The following ALK variants were observed in gnomAD, a reference collection of about 807,000 sequenced individuals.
ALK encodes ALK tyrosine kinase receptor.
In ALK, 74 loss-of-function variants were observed where a neutral mutation model predicts 163.1. The ratio of observed to expected loss-of-function variants is 0.45; its 90% CI spans 0.38 to 0.55. The LOEUF (loss-of-function observed/expected upper bound fraction) is 0.55. ALK is among the 20% of genes least tolerant of loss of function. The pLI is 0.00. For missense variants in ALK, 2,063 were observed against 2,105.3 expected (o/e 0.98, Z 0.39); for synonymous variants, 960 against 843.2 (o/e 1.14, Z -2.40).
intron 4 of ALK, among the ~76,000 whole-genome samples, chr2:29,387,736 A>G (rs769748346): frequency 1.3e-5 from 2 of 152,202 alleles, no homozygotes; most frequent in Non-Finnish European, 2.9e-5. Flanking sequence ...CAGAGGTGGG[A>G]GGAGAATGAT....
chr2:29,755,927 A>T (rs186938741), intron 1 of ALK, among the ~76,000 whole-genome samples: 1 of 152,352 alleles, frequency 6.6e-6, no homozygotes, highest in East Asian at 1.9e-4. Flanking sequence ...AACTGAAAAG[A>T]ATAACAAACC....
At chr2:29,383,995 G>C in intron 4 of ALK, 136 bp from the exon 5 acceptor site, 1 of 1,057,954 alleles carries the variant, frequency 9.5e-7, no homozygotes. Context: ...GATGGGACTC[G>C]AAGTGGCACT....
chr2:29,699,479 C>G (rs2148293653), intron 2 of ALK, among the ~76,000 whole-genome samples: 1 of 152,210 alleles, frequency 6.6e-6, no homozygotes, highest in East Asian at 1.9e-4. Context: ...CATCTCTCTC[C>G]TGCAGCTTCA....
intron 26 of ALK, among the ~76,000 whole-genome samples, chr2:29,200,751 ACG>A (rs374449527): frequency 2.5e-5 from 2 of 79,504 alleles, no homozygotes; most frequent in Admixed American, 1.1e-4. Flanking sequence ...GTATATATAT[ACG>A]TATATATGTA....
chr2:29,193,890 T>C lies in ALK; in HGVS notation c.4197A>G (p.Ile1399Met). ...CCTCTTCCACAAGTGGACCATATTC[T>C]ATCGGCAAAGCGGTGTTGATTACAT... ...DPDVINTALP[I>M]EYGPLVEEEE... Residue 1399 changes from isoleucine to methionine, a missense_variant, in exon 29 of 29, where the codon ATA (isoleucine) becomes ATG (methionine). Coordinates refer to ENST00000389048, the MANE Select transcript of ALK (RefSeq NM_004304.5). 1 of 1,614,160 alleles carries C rather than the reference T, an allele frequency of 6.2e-7. No individual in the cohort carries two copies. The highest frequency in any genetic ancestry group is 8.5e-7 in the Non-Finnish European group (1 of 1,180,018).
intron 1 of ALK, among the ~76,000 whole-genome samples, chr2:29,732,570 G>A (rs980104589): frequency 4.6e-5 from 7 of 152,176 alleles, no homozygotes; most frequent in Admixed American, 2.0e-4. Flanking sequence ...GACTGTTAGG[G>A]AGAACTGTGG....
intron 1 of ALK, among the ~76,000 whole-genome samples, chr2:29,826,959 C>CAG (rs1665219195): frequency 6.6e-6 from 1 of 152,202 alleles, no homozygotes; most frequent in Non-Finnish European, 1.5e-5. Context: ...TGCAGCATTT[C>CAG]AAAAAGGTTT....
At chr2:29,712,673 A>AT (rs1679136303) in intron 2 of ALK, among the ~76,000 whole-genome samples, 2 of 152,264 alleles carry the variant, frequency 1.3e-5, no homozygotes, top group South Asian at 2.1e-4. Context: ...AATCAAAGAA[A>AT]TTGATACATT....
At chr2:29,310,419 C>A (rs1666665824) in intron 8 of ALK, among the ~76,000 whole-genome samples, 1 of 152,188 alleles carries the variant, frequency 6.6e-6, no homozygotes, top group African/African-American at 2.4e-5. Context: ...AGGGTCCCTT[C>A]CTCCAGCACT....
intron 4 of ALK, among the ~76,000 whole-genome samples, chr2:29,467,575 AGAGCT>A (rs1671242968): frequency 6.6e-6 from 1 of 152,256 alleles, no homozygotes; most frequent in African/African-American, 2.4e-5. Flanking sequence ...CTCTAAGACC[AGAGCT>A]TGGAATCTGC....
At position 29,761,962 on chromosome 2, in the gene ALK, T is replaced by A. The variant is rs576804875; in HGVS notation, c.668-44265A>T. On this transcript the variant is annotated intron_variant, in intron 1 of 28. Transcript: ENST00000389048. The stretch of plus-strand genomic sequence containing the variant: ...TATTCAAAAATGGCCCATTCTAGGT[T>A]AAATTCTTAATTATTCTGGAAAATG... 3.9e-5 allele frequency among the ~76,000 whole-genome samples: 6 copies of A among 152,352 alleles called. No individual in the cohort carries two copies. In the South Asian group the frequency reaches 1.2e-3, roughly 32 times the overall value.
chr2:29,698,661 G>A (rs975205226), intron 2 of ALK, among the ~76,000 whole-genome samples: 17 of 152,142 alleles, frequency 1.1e-4, no homozygotes, highest in Admixed American at 7.9e-4. Flanking sequence ...TCCCAGCACC[G>A]AGCATATTAA....
intron 3 of ALK, among the ~76,000 whole-genome samples, chr2:29,584,343 A>G (rs1199406482): frequency 6.6e-6 from 1 of 152,226 alleles, no homozygotes; most frequent in East Asian, 1.9e-4. Context: ...AAATCTGAGA[A>G]AAGTTAATGG....
chr2:29,398,015 T>TG (rs1669352259), intron 4 of ALK, among the ~76,000 whole-genome samples: 2 of 152,244 alleles, frequency 1.3e-5, no homozygotes, highest in Admixed American at 1.3e-4. Flanking sequence ...AGTCAATTTC[T>TG]GGGCTGGGAC....
At chr2:29,433,253 A>C in intron 4 of ALK, among the ~76,000 whole-genome samples, 1 of 152,170 alleles carries the variant, frequency 6.6e-6, no homozygotes, top group East Asian at 1.9e-4. Flanking sequence ...GCATGCATAG[A>C]AGTGGACAGG....
chr2:29,873,576 T>C lies in ALK; in HGVS notation c.667+46417A>G, dbSNP rs1666630756. Among the ~76,000 whole-genome samples, 3 of 152,112 alleles carry C rather than the reference T, an allele frequency of 2.0e-5. No homozygotes were observed. The South Asian group carries it at 6.2e-4, about 32-fold the overall frequency. ...CTAAAATCAGTGGAGCAAACCAAGATGCTAGAAATATGCCCAGAGACAGAA... is the reference window on the plus strand; with the variant it reads ...CTAAAATCAGTGGAGCAAACCAAGACGCTAGAAATATGCCCAGAGACAGAA... On this transcript the variant is annotated intron_variant, in intron 1 of 28. Coordinates refer to ENST00000389048, the MANE Select transcript of ALK (RefSeq NM_004304.5).
chr2:29,776,977 T>C (rs1681194106), intron 1 of ALK, among the ~76,000 whole-genome samples: 1 of 152,158 alleles, frequency 6.6e-6, no homozygotes, highest in African/African-American at 2.4e-5. Context: ...ACAAGGGTTC[T>C]GACCCCCAAT....
intron 3 of ALK, among the ~76,000 whole-genome samples, chr2:29,620,548 A>T (rs1223379302): frequency 6.6e-6 from 1 of 151,936 alleles, no homozygotes; most frequent in African/African-American, 2.4e-5. Flanking sequence ...GGAGCTGAAG[A>T]TGCGAACACG....
chr2:29,550,597 AT>A (rs1188886839), intron 3 of ALK, among the ~76,000 whole-genome samples: 1 of 152,214 alleles, frequency 6.6e-6, no homozygotes, highest in Non-Finnish European at 1.5e-5. Context: ...CAACCAGAAA[AT>A]TGAAATTTGG....
Sources: gnomAD v4.1 joint callset for allele counts (sites outside exome capture counted in the v4.1 genomes callset) on GRCh38, gnomAD v4.1.1 for gene constraint, MANE v1.5 for transcripts, NCBI Gene and HGNC (gene_info 2026-07-23, HGNC 2026-07-21) for gene names.